The following HIVEP3 variants were observed in gnomAD, a reference collection of about 807,000 sequenced individuals.
HIVEP3 encodes HIVEP zinc finger 3, also known as transcription factor HIVEP3.
A neutral mutation model predicts 152.8 loss-of-function variants in HIVEP3; 49 were observed. The ratio of observed to expected loss-of-function variants is 0.32; its 90% CI spans 0.26 to 0.41. The LOEUF (loss-of-function observed/expected upper bound fraction) is 0.41. HIVEP3 is among the 10% of genes least tolerant of loss of function. The pLI, the probability that HIVEP3 is intolerant of heterozygous loss-of-function variation, is 1.00. For missense variants in HIVEP3, 2,790 were observed against 3,103.3 expected, an observed-to-expected ratio of 0.90 and a Z score of 2.40; for synonymous variants, 1,269 against 1,289.0, an observed-to-expected ratio of 0.98 and a Z score of 0.33.
intron 1 of HIVEP3, among the ~76,000 whole-genome samples, chr1:41,741,419 G>A (rs564973555): frequency 2.0e-5 from 3 of 152,258 alleles, no homozygotes; most frequent in East Asian, 3.9e-4. Context: ...GCTCTCCTGC[G>A]GAGTCCTGAC....
intron 1 of HIVEP3, among the ~76,000 whole-genome samples, chr1:41,907,045 G>A (rs1241343501): frequency 6.6e-6 from 1 of 152,144 alleles, no homozygotes; most frequent in Non-Finnish European, 1.5e-5. Flanking sequence ...AAACCAGCCA[G>A]TGACCCACAG....
chr1:41,654,130 G>A (rs929937488), intron 2 of HIVEP3, among the ~76,000 whole-genome samples: 2 of 152,098 alleles, frequency 1.3e-5, no homozygotes, highest in African/African-American at 4.8e-5. Flanking sequence ...CTATGTTTCT[G>A]TCTGTTATAG....
rs1437835785 is a variant in HIVEP3 at position 41,511,214 on chromosome 1, A to G, written c.6458T>C (p.Leu2153Pro). 6.2e-7 allele frequency: 1 copy of G among 1,613,554 alleles called. No homozygotes were observed. Among genetic ancestry groups the G allele is most frequent in the Admixed American group, 1.7e-5 (1 of 60,000 alleles). The change falls in exon 9 of 9, where the codon CTC becomes CCC. Residue 2153 changes from leucine to proline, a missense_variant. Around this residue, in one of 9 missense-constraint regions of HIVEP3, gnomAD observed 816 missense variants for 806.5 expected, o/e 1.01. Coordinates refer to ENST00000372583, the MANE Select transcript of HIVEP3 (RefSeq NM_024503.5). The surrounding 1 kb of genome is among the most constrained non-coding windows in gnomAD (Gnocchi z 4.9). The stretch of plus-strand genomic sequence containing the variant: ...GAGGGCGGAGAAGGGTCGGGAGGAG[A>G]GAGGATGAGCAGGGCCGGGTGAGCA... The part of the protein sequence containing the change: ...PSCSPGPAHP[L>P]SSRPFSALHD...
chr1:41,644,739 C>G (rs1460441158), intron 2 of HIVEP3, among the ~76,000 whole-genome samples: 6 of 106,844 alleles, frequency 5.6e-5, no homozygotes, highest in Non-Finnish European at 1.0e-4. Context: ...ATTGGGTAAG[C>G]TAGGCCTTTA....
intron 1 of HIVEP3, among the ~76,000 whole-genome samples, chr1:41,951,977 A>G (rs181837240): frequency 6.6e-6 from 1 of 152,290 alleles, no homozygotes; most frequent in East Asian, 1.9e-4. Flanking sequence ...TTAGAAATAA[A>G]TTACGTGAAC....
At chr1:41,554,293 G>T (rs1211442539) in intron 5 of HIVEP3, among the ~76,000 whole-genome samples, 1 of 151,966 alleles carries the variant, frequency 6.6e-6, no homozygotes, top group Non-Finnish European at 1.5e-5. Context: ...ATTGAAGCTT[G>T]TGCATGCGTC....
rs763640438 is a variant in HIVEP3, at chr1:41,524,926, G to A, written c.5208-16C>T. 8.7e-6 allele frequency: 14 copies of A among 1,605,140 alleles called. No homozygotes were observed. The highest frequency in any genetic ancestry group is 3.4e-5 in the Admixed American group (2 of 59,344). On this transcript the variant is annotated splice_polypyrimidine_tract_variant and intron_variant, in intron 5 of 8. Transcript: ENST00000372583. ...TGATTTGTACCTATGAGCAACAGGCGTCATAGTAAAGGGAAAAAAAAGGAG... is the reference window on the plus strand; with the variant it reads ...TGATTTGTACCTATGAGCAACAGGCATCATAGTAAAGGGAAAAAAAAGGAG...
chr1:42,006,567 CAAA>C lies in HIVEP3; in HGVS notation n.119+29237_119+29239del, dbSNP rs35692836. 3.3e-3 allele frequency among the ~76,000 whole-genome samples: 437 copies of C among 132,834 alleles called. 1 individual carries two copies. Among genetic ancestry groups the C allele is most frequent in the Middle Eastern group, 0.019 (5 of 258 alleles). 87.1% of individuals were successfully genotyped at this position (132,834 alleles called of 152,430 possible). A position where few individuals can be genotyped will look rare whatever the true frequency, so the allele number is the denominator to read the frequency against. On this transcript the variant is annotated intron_variant and non_coding_transcript_variant, in intron 1 of 3. Transcript: ENST00000489103. ...GAAAAATAACTATACTTTCCAAAGC[CAAA>C]AAAAAAAAAAAAAAACTGTGAAAAG...
rs754373563 is a variant in HIVEP3 at position 41,526,971 on chromosome 1, CTCACCTT to C, written c.5208-2068_5208-2062del. ...TGCTCACACCCCACTCATCCTCACA[CTCACCTT>C]CACACTCCACACCCCTGCACTCACA... On this transcript the variant is annotated intron_variant, in intron 5 of 8. Transcript: ENST00000372583. Among the ~76,000 whole-genome samples the C allele has an allele frequency of 4.7e-3, 397 of 84,722 alleles. 1 individual carries two copies. The highest frequency in any genetic ancestry group is 9.1e-3 in the East Asian group (2 of 220). The allele number at this position is 84,722 out of a possible 152,430, so 55.6% of individuals were successfully genotyped here.
intron 3 of HIVEP3, among the ~76,000 whole-genome samples, chr1:41,607,808 C>G (rs1361444885): frequency 6.6e-6 from 1 of 152,222 alleles, no homozygotes; most frequent in East Asian, 1.9e-4. Context: ...TATGTGCAAT[C>G]TGAGTTTAAG....
chr1:41,750,266 G>A (rs1315138120), intron 1 of HIVEP3, among the ~76,000 whole-genome samples: 1 of 152,222 alleles, frequency 6.6e-6, no homozygotes, highest in Non-Finnish European at 1.5e-5. Context: ...ACTTGTAAGT[G>A]TTAGCAGCTA....
Position 41,700,950 on chromosome 1 carries a change from T to A in HIVEP3, c.-755A>T. Reference sequence around the variant, plus strand: ...ACCAGCCGTGGTCTCATGGTCAAGATGTGTCAGAGATTTCTAGAGCTTGGA... The same window carrying A: ...ACCAGCCGTGGTCTCATGGTCAAGAAGTGTCAGAGATTTCTAGAGCTTGGA... On this transcript the variant is annotated 5_prime_UTR_variant, in exon 2 of 9. Coordinates refer to ENST00000372583, the MANE Select transcript of HIVEP3 (RefSeq NM_024503.5). 1.0e-6 allele frequency: 1 copy of A among 985,482 alleles called. No homozygotes were observed. Among genetic ancestry groups the A allele is most frequent in the Non-Finnish European group, 1.2e-6 (1 of 830,000 alleles). 61.0% of individuals were successfully genotyped at this position (985,482 alleles called of 1,614,324 possible). A position where few individuals can be genotyped will look rare whatever the true frequency, so the allele number is the denominator to read the frequency against.
intron 1 of HIVEP3, among the ~76,000 whole-genome samples, chr1:42,022,241 C>T (rs1169832691): frequency 1.3e-5 from 2 of 152,136 alleles, no homozygotes; most frequent in Non-Finnish European, 2.9e-5. Flanking sequence ...CATATTTATT[C>T]TTAAAGAATC....
At chr1:41,534,360 A>C (rs1569796881) in intron 5 of HIVEP3, among the ~76,000 whole-genome samples, 3 of 142,610 alleles carry the variant, frequency 2.1e-5, no homozygotes, top group African/African-American at 5.2e-5. Context: ...TTCCTGCTGC[A>C]CTCCCCCTCC....
intron 5 of HIVEP3, among the ~76,000 whole-genome samples, chr1:41,562,697 G>A (rs1413801350): frequency 6.7e-6 from 1 of 150,094 alleles, no homozygotes; most frequent in Non-Finnish European, 1.5e-5. Context: ...CAAGGAAGAG[G>A]GGAATGGGAT....
rs535152026 is a variant in HIVEP3 at position 41,828,675 on chromosome 1, G to T, written c.-801+89738C>A. On this transcript the variant is annotated intron_variant, in intron 1 of 8. Coordinates refer to ENST00000372583, the MANE Select transcript of HIVEP3 (RefSeq NM_024503.5). ...TAGGAAAATCTGTAAGAGCTTCATT[G>T]TATAGATGAAGAAATGGAGGCTGAT... Among the ~76,000 whole-genome samples, 267 of 152,310 alleles carry T rather than the reference G, an allele frequency of 1.8e-3. 1 individual carries two copies. The highest frequency in any genetic ancestry group is 6.0e-3 in the African/African-American group (249 of 41,576).
At chr1:41,758,894 G>A (rs182122018) in intron 1 of HIVEP3, among the ~76,000 whole-genome samples, 104 of 152,284 alleles carry the variant, frequency 6.8e-4, no homozygotes, top group African/African-American at 2.0e-3. Context: ...CCCCCATAGT[G>A]TACTGTGACC....
chr1:41,865,681 A>C (rs1643956702), intron 1 of HIVEP3: 1 of 152,234 alleles, frequency 6.6e-6, no homozygotes, highest in South Asian at 2.1e-4. Flanking sequence ...ATTGGAATAC[A>C]GCTTGTGAAT....
intron 3 of HIVEP3, among the ~76,000 whole-genome samples, chr1:41,599,465 G>T (rs564667304): frequency 6.6e-6 from 1 of 152,254 alleles, no homozygotes; most frequent in South Asian, 2.1e-4. Flanking sequence ...TCTAATAATA[G>T]AGTAGAAAGA....
Sources: allele counts gnomAD v4.1 joint callset (sites outside exome capture counted in the v4.1 genomes callset), GRCh38; gene constraint gnomAD v4.1.1; regional missense constraint gnomAD v4.1.1; non-coding constraint Gnocchi (gnomAD v3.1); transcripts MANE v1.5; gene names NCBI Gene and HGNC (gene_info 2026-07-23, HGNC 2026-07-21).